RORA: variants seen among roughly 807,000 people sequenced by gnomAD.
RORA encodes nuclear receptor ROR-alpha.
In RORA, 7 loss-of-function variants were observed where a neutral mutation model predicts 69.5. That is an observed-to-expected ratio of 0.10 (90% CI 0.06 to 0.19). RORA has a LOEUF of 0.19. Among genes scored for constraint, RORA ranks in the 10% least tolerant of loss-of-function variants. RORA has a pLI of 1.00. For synonymous variants in RORA, 261 were observed against 240.8 expected (o/e 1.08, Z -0.78); for missense variants, 457 against 663.0 (o/e 0.69, Z 3.41).
At chr15:60,705,127 G>GT (rs1555447337) in intron 1 of RORA, among the ~76,000 whole-genome samples, 1 of 147,298 alleles carries the variant, frequency 6.8e-6, no homozygotes, top group South Asian at 2.1e-4. Context: ...TTTTGTGCCA[G>GT]AAAAAAAAAA....
intron 1 of RORA, among the ~76,000 whole-genome samples, chr15:61,109,988 A>C (rs2140779487): frequency 6.6e-6 from 1 of 152,364 alleles, no homozygotes. Flanking sequence ...AATGAAACTA[A>C]CAAATTCCTA....
chr15:60,569,972 G>A (rs1257650398), intron 2 of RORA, among the ~76,000 whole-genome samples: 3 of 152,190 alleles, frequency 2.0e-5, no homozygotes, highest in African/African-American at 7.2e-5. Context: ...AAAGGAAGAT[G>A]AGAACAGAGA....
At chr15:60,810,809 G>A (rs941883672) in intron 1 of RORA, among the ~76,000 whole-genome samples, 1 of 151,516 alleles carries the variant, frequency 6.6e-6, no homozygotes, top group Non-Finnish European at 1.5e-5. Context: ...TTAAATGACT[G>A]GTAATTCTTG....
In RORA at chr15:61,213,223, C is replaced by A. The variant is rs2140939219; in HGVS notation, c.166+15830G>T. ...CATCATGTTCTTCCAACTCCACTTC[C>A]TGGGGAATCCTACCGCAGAGTCAAC... On this transcript the variant is annotated intron_variant, in intron 1 of 10. Transcript: ENST00000335670. The surrounding 1 kb of genome is among the most constrained non-coding windows in gnomAD (Gnocchi z 4.1). 6.6e-6 allele frequency among the ~76,000 whole-genome samples: 1 copy of A among 152,270 alleles called. No individual in the cohort carries two copies. The highest frequency in any genetic ancestry group is 3.4e-3 in the Middle Eastern group (1 of 294).
chr15:60,801,009 C>T (rs139485870), intron 1 of RORA, among the ~76,000 whole-genome samples: 4 of 152,256 alleles, frequency 2.6e-5, no homozygotes, highest in Non-Finnish European at 5.9e-5. Flanking sequence ...TTAAAGTGAA[C>T]CACTGAAAAA....
intron 1 of RORA, among the ~76,000 whole-genome samples, chr15:60,950,165 A>G (rs1431646613): frequency 6.6e-6 from 1 of 151,904 alleles, no homozygotes; most frequent in Non-Finnish European, 1.5e-5. Flanking sequence ...TTTACAACCC[A>G]GAATTTCATA....
At chr15:60,694,635 C>T (rs2070876258) in intron 1 of RORA, among the ~76,000 whole-genome samples, 1 of 152,216 alleles carries the variant, frequency 6.6e-6, no homozygotes, top group Non-Finnish European at 1.5e-5. Context: ...CTCCTCACTG[C>T]CAGGGTGACA....
intron 1 of RORA, among the ~76,000 whole-genome samples, chr15:61,084,368 G>C (rs1302633241): frequency 6.6e-6 from 1 of 152,152 alleles, no homozygotes; most frequent in African/African-American, 2.4e-5. Flanking sequence ...AAAAAAGATA[G>C]AGCAAATTGC....
chr15:60,856,728 T>G (rs181987069), intron 1 of RORA, among the ~76,000 whole-genome samples: 230 of 152,326 alleles, frequency 1.5e-3, no homozygotes, highest in Non-Finnish European at 2.8e-3. Context: ...AAGTGCTGCC[T>G]CTTTTCTGGA....
At chr15:60,759,057 T>C (rs2071843772) in intron 1 of RORA, among the ~76,000 whole-genome samples, 1 of 152,234 alleles carries the variant, frequency 6.6e-6, no homozygotes. Context: ...CTTGATTCAG[T>C]TGAACTGCAT....
chr15:60,754,296 G>A (rs1460261956), intron 1 of RORA, among the ~76,000 whole-genome samples: 1 of 152,048 alleles, frequency 6.6e-6, no homozygotes, highest in African/African-American at 2.4e-5. Flanking sequence ...TGGAGGTTTC[G>A]TTGTGCATTC....
intron 1 of RORA, among the ~76,000 whole-genome samples, chr15:61,197,423 T>C (rs774338108): frequency 6.6e-5 from 10 of 152,116 alleles, no homozygotes; most frequent in Non-Finnish European, 1.0e-4. Flanking sequence ...GCACCGCCGG[T>C]CATGTGGCTC....
At chr15:60,600,955 T>C (rs1050216225) in intron 2 of RORA, 1 of 152,180 alleles carries the variant, frequency 6.6e-6, no homozygotes, top group Non-Finnish European at 1.5e-5. Flanking sequence ...GTACTTTTAT[T>C]ACATTCATTT....
chr15:60,789,470 C>T (rs533564109), intron 1 of RORA, among the ~76,000 whole-genome samples: 50 of 152,372 alleles, frequency 3.3e-4, no homozygotes, highest in African/African-American at 1.1e-3. Flanking sequence ...CCTGGACACC[C>T]TGCTTCCTTA....
At chr15:60,509,331 A>T (rs2065615299) in intron 5 of RORA, among the ~76,000 whole-genome samples, 1 of 152,206 alleles carries the variant, frequency 6.6e-6, no homozygotes, top group Non-Finnish European at 1.5e-5. Context: ...CATTTAATTT[A>T]TCTTGGTAAA....
At chr15:61,145,504 T>C (rs879177012) in intron 1 of RORA, among the ~76,000 whole-genome samples, 5 of 152,212 alleles carry the variant, frequency 3.3e-5, no homozygotes, top group Admixed American at 6.5e-5. Context: ...TTCCAAAACA[T>C]TTTGTAAGCA....
intron 1 of RORA, among the ~76,000 whole-genome samples, chr15:61,022,412 T>G (rs899945734): frequency 2.6e-5 from 4 of 152,206 alleles, no homozygotes; most frequent in Non-Finnish European, 5.9e-5. Context: ...AAGATAAGTT[T>G]GGATTGTGTG....
At chr15:60,540,296 G>A (rs985119874) in intron 2 of RORA, among the ~76,000 whole-genome samples, 3 of 152,024 alleles carry the variant, frequency 2.0e-5, no homozygotes. Context: ...CATTGCTCAA[G>A]GTCTGTTTTT....
intron 1 of RORA, among the ~76,000 whole-genome samples, chr15:61,085,962 T>A (rs143611660): frequency 6.6e-6 from 1 of 152,348 alleles, no homozygotes; most frequent in East Asian, 1.9e-4. Context: ...TCCTCTTGCC[T>A]AGGTTGCTAT....
Sources: allele counts gnomAD v4.1 joint callset (sites outside exome capture counted in the v4.1 genomes callset), GRCh38; gene constraint gnomAD v4.1.1; non-coding constraint Gnocchi (gnomAD v3.1); transcripts MANE v1.5; gene names NCBI Gene and HGNC (gene_info 2026-07-23, HGNC 2026-07-21).